C19orf38: variants seen among roughly 807,000 people sequenced by gnomAD.
C19orf38 encodes protein HIDE1.
C19orf38 carries 14 observed loss-of-function variants against 26.6 expected under a neutral mutation model. That is an observed-to-expected ratio of 0.53 (90% confidence interval 0.35 to 0.82). C19orf38 has a LOEUF of 0.82. Ranked by LOEUF, C19orf38 falls within the 40% of genes least tolerant of loss-of-function variation. The probability of loss-of-function intolerance (pLI) is 0.01; values close to 1 mark genes in which losing one functional copy is unlikely to be tolerated. For missense variants in C19orf38, 261 were observed against 299.5 expected (o/e 0.87, Z 0.95); for synonymous variants, 132 against 128.5 (o/e 1.03, Z -0.18).
chr19:10,846,290 G>C (rs905963678), upstream of C19orf38, among the ~76,000 whole-genome samples: 1 of 151,592 alleles, frequency 6.6e-6, no homozygotes, highest in South Asian at 2.1e-4. Flanking sequence ...TCTCCTTCCC[G>C]GGTTCACGCC....
chr19:10,859,373 TA>T (rs1568337636), intron 4 of C19orf38, among the ~76,000 whole-genome samples: 2 of 42,480 alleles, frequency 4.7e-5, no homozygotes, highest in South Asian at 7.3e-4. Context: ...TATATATATA[TA>T]TATATATATA....
chr19:10,856,307 C>T lies in C19orf38; in HGVS notation c.383C>T (p.Ala128Val). ...GTGCTCTCCCTGAGCCTGGCTGGTG[C>T]CCTCTTCCTCCTTGCTGGGCTGGTG... ...ILVLSLSLAGALFLLAGLVAV... is the reference protein window; with the variant it reads ...ILVLSLSLAGVLFLLAGLVAV... The change falls in exon 3 of 7, where the codon GCC becomes GTC. Residue 128 changes from alanine to valine, a missense_variant. By Grantham distance (64) the Ala-to-Val change is moderately conservative. Coordinates refer to ENST00000397820, the MANE Select transcript of C19orf38 (RefSeq NM_001136482.3). 1 of 1,551,324 alleles carries T rather than the reference C, an allele frequency of 6.4e-7. No individual in the cohort carries two copies. The highest frequency in any genetic ancestry group is 1.2e-5 in the South Asian group (1 of 84,054).
intron 6 of C19orf38, among the ~76,000 whole-genome samples, chr19:10,868,925 C>T (rs1393629800): frequency 6.6e-6 from 1 of 152,202 alleles, no homozygotes; most frequent in African/African-American, 2.4e-5. Flanking sequence ...TGGGTACTAG[C>T]ATTCTGCCCG....
intron 6 of C19orf38, among the ~76,000 whole-genome samples, chr19:10,865,609 G>C (rs2073744213): frequency 6.6e-6 from 1 of 152,100 alleles, no homozygotes; most frequent in South Asian, 2.1e-4. Context: ...TCCAGCCTGG[G>C]TGACAGAGCA....
chr19:10,859,827 T>C (rs1453895520), intron 4 of C19orf38, 88 bp from the exon 5 acceptor site: 1 of 1,235,796 alleles, frequency 8.1e-7, no homozygotes, highest in African/African-American at 1.5e-5. Context: ...ATTTTGGGTG[T>C]GGTTTGGGGC....
At chr19:10,837,412 A>G (rs368415883) in intron 1 of C19orf38, among the ~76,000 whole-genome samples, 128 of 144,692 alleles carry the variant, frequency 8.8e-4, no homozygotes, top group African/African-American at 3.3e-3. Context: ...TTTTTCTATC[A>G]TTTACACTCA....
At chr19:10,846,277 A>G (rs534217517), upstream of C19orf38, among the ~76,000 whole-genome samples, 18 of 151,890 alleles carry the variant, frequency 1.2e-4, no homozygotes, top group East Asian at 3.3e-3. Context: ...GCTCACTGCA[A>G]GCTCTCCTTC....
chr19:10,859,264 GTGTGTGTGTGTGTGTA>G (rs1185180155), intron 4 of C19orf38, among the ~76,000 whole-genome samples: 4 of 138,658 alleles, frequency 2.9e-5, no homozygotes, highest in African/African-American at 8.2e-5. Context: ...GTGTGTGTGT[GTGTGTGTGTGTGTGTA>G]TGTGTGTGTG....
intron 1 of C19orf38, 23 bp from the exon 2 acceptor site, chr19:10,850,236 C>G: frequency 6.5e-7 from 1 of 1,530,736 alleles, no homozygotes; most frequent in Non-Finnish European, 8.8e-7. Context: ...ACGCACCCAC[C>G]CACCTTACCC....
upstream of C19orf38, among the ~76,000 whole-genome samples, chr19:10,846,050 T>C (rs1307600504): frequency 6.7e-6 from 1 of 148,720 alleles, no homozygotes; most frequent in Non-Finnish European, 1.5e-5. Flanking sequence ...GGTGTGGTGG[T>C]GGACACCTGT....
intron 2 of C19orf38, among the ~76,000 whole-genome samples, chr19:10,855,741 G>T (rs1465350633): frequency 6.6e-6 from 1 of 151,990 alleles, no homozygotes; most frequent in Admixed American, 6.6e-5. Flanking sequence ...TGTTAGCCAG[G>T]ATGGTCTCGA....
chr19:10,866,637 C>T (rs2073755045), intron 6 of C19orf38, among the ~76,000 whole-genome samples: 2 of 151,740 alleles, frequency 1.3e-5, no homozygotes. Flanking sequence ...AGGCACATGC[C>T]ACCGCGGCTG....
At chr19:10,845,341 C>T (rs979456376), upstream of C19orf38, among the ~76,000 whole-genome samples, 1 of 152,092 alleles carries the variant, frequency 6.6e-6, no homozygotes, top group South Asian at 2.1e-4. Context: ...AAAGTCAGTA[C>T]ATTTCAAAGT....
Position 10,859,909 on chromosome 19 carries a change from T to A in C19orf38, c.462-6T>A, listed in dbSNP as rs1411669813. ...CCCTGTCACTTTCTCCTGAATTCCT[T>A]TGCAGAGATCGAGAATCCTGCTGGG... On this transcript the variant is annotated splice_polypyrimidine_tract_variant and splice_region_variant and intron_variant, in intron 4 of 6. Coordinates refer to ENST00000397820, the MANE Select transcript of C19orf38 (RefSeq NM_001136482.3). The A allele has an allele frequency of 1.3e-6, 2 of 1,551,692 alleles. No homozygotes were observed. The highest frequency in any genetic ancestry group is 1.7e-6 in the Non-Finnish European group (2 of 1,146,816).
At chr19:10,857,672 G>A (rs1276078162) in intron 3 of C19orf38, among the ~76,000 whole-genome samples, 3 of 151,562 alleles carry the variant, frequency 2.0e-5, no homozygotes, top group Non-Finnish European at 4.4e-5. Context: ...CGCGAGGTCA[G>A]GAGTTTGAGA....
intron 1 of C19orf38, among the ~76,000 whole-genome samples, chr19:10,849,716 T>G (rs186285586): frequency 1.4e-5 from 2 of 140,666 alleles, no homozygotes; most frequent in Admixed American, 1.5e-4. Flanking sequence ...TAATAATAAA[T>G]TAAATAAAAA....
intron 1 of C19orf38, among the ~76,000 whole-genome samples, chr19:10,843,099 G>A (rs2073491173): frequency 6.6e-6 from 1 of 152,188 alleles, no homozygotes; most frequent in Admixed American, 6.5e-5. Context: ...GACTCAGAAT[G>A]GGGAATGTGT....
intron 1 of C19orf38, among the ~76,000 whole-genome samples, chr19:10,837,479 CTTTTT>C (rs1212470227): frequency 1.5e-5 from 1 of 66,464 alleles, no homozygotes; most frequent in Non-Finnish European, 3.5e-5. Flanking sequence ...TCTTTTTTTT[CTTTTT>C]TTTTTTAATT....
rs376585553 is a variant in C19orf38 at position 10,842,910 on chromosome 19, A to G, written c.-68-5531A>G. Among the ~76,000 whole-genome samples the G allele has an allele frequency of 1.3e-5, 2 of 152,348 alleles. 1 individual carries two copies. On this transcript the variant is annotated intron_variant, in intron 1 of 7. Transcript: ENST00000592854. ...TCAGCCCACCTGTGTTATAGCTTGT[A>G]TCTGCATTCGGCAGTTCTCAAGCTC... is the stretch of plus-strand genomic sequence containing the variant.
Sources: gnomAD v4.1 joint callset for allele counts (sites outside exome capture counted in the v4.1 genomes callset) on GRCh38, gnomAD v4.1.1 for gene constraint, MANE v1.5 for transcripts, NCBI Gene and HGNC (gene_info 2026-07-23, HGNC 2026-07-21) for gene names.